CFAP43: variants seen among roughly 807,000 people sequenced by gnomAD.
CFAP43 encodes cilia and flagella associated protein 43, also known as cilia- and flagella-associated protein 43.
In CFAP43, 155 loss-of-function variants were observed where a neutral mutation model predicts 218.9. The ratio of observed to expected loss-of-function variants is 0.71; its 90% confidence interval spans 0.62 to 0.81. The LOEUF (loss-of-function observed/expected upper bound fraction) is 0.81, where lower values mean the gene tolerates loss of function less well. Among genes scored for constraint, CFAP43 ranks in the 30% least tolerant of loss-of-function variants. CFAP43 has a pLI of 0.00. For missense variants in CFAP43, 1,778 were observed against 1,954.3 expected (o/e 0.91, Z 1.70); for synonymous variants, 645 against 681.3 (o/e 0.95, Z 0.83).
rs369407854 is a variant in CFAP43, at chr10:104,186,025, G to C, written c.1959C>G (p.Leu653=). The part of the protein sequence containing the change: ...LLYLSSHGLW[L]ITIAKCGILC... ...GAATTCCACATTTAGCTATTGTTAT[G>C]AGCCACAATCCATGTGAAGACAGAT... Residue 653 remains leucine (L), a synonymous_variant, in exon 15 of 38, where the codon CTC becomes CTG. Transcript: ENST00000357060. 15 of 1,610,788 alleles carry C rather than the reference G, an allele frequency of 9.3e-6. No homozygotes were observed. The highest frequency in any genetic ancestry group is 4.0e-5 in the African/African-American group (3 of 74,622).
At chr10:104,228,494 T>C (rs542019346) in intron 2 of CFAP43, among the ~76,000 whole-genome samples, 2 of 152,318 alleles carry the variant, frequency 1.3e-5, no homozygotes, top group East Asian at 3.9e-4. Context: ...CTCTTTCAAA[T>C]TATTCTCATT....
In CFAP43 at chr10:104,130,295, CAGTT is replaced by C; in HGVS notation, c.4838_4841del (p.Lys1613ArgfsTer14). On this transcript the variant is annotated frameshift_variant, in exon 38 of 38. Coordinates refer to ENST00000357060, the MANE Select transcript of CFAP43 (RefSeq NM_025145.7). LOFTEE classifies it high-confidence loss of function. The stretch of plus-strand genomic sequence containing the variant: ...GTTCTTTGACAATCTTTTCACAAGT[CAGTT>C]TAGACCCTATCCCAAAAATGAATAA... 1 of 1,606,042 alleles carries C rather than the reference CAGTT, an allele frequency of 6.2e-7. No homozygotes were observed. Among genetic ancestry groups the C allele is most frequent in the Non-Finnish European group, 8.5e-7 (1 of 1,178,428 alleles).
rs570311198 is a variant in CFAP43, at chr10:104,138,589, C to T, written c.4431+2253G>A. Among the ~76,000 whole-genome samples the T allele has an allele frequency of 4.6e-5, 7 of 151,872 alleles. No individual in the cohort carries two copies. The East Asian group carries it at 1.2e-3, about 25-fold the overall frequency. On this transcript the variant is annotated intron_variant, in intron 34 of 37. Coordinates refer to ENST00000357060, the MANE Select transcript of CFAP43 (RefSeq NM_025145.7). ...ACTCGGGAGGCTGAGGCAGTAGAAT[C>T]GCTTGAACCCAGAAGGTGGAGGTTG...
At chr10:104,200,200 G>A (rs2090492902) in intron 8 of CFAP43, among the ~76,000 whole-genome samples, 1 of 152,200 alleles carries the variant, frequency 6.6e-6, no homozygotes, top group Non-Finnish European at 1.5e-5. Flanking sequence ...ATATAGCTTA[G>A]AAGGTATATA....
intron 35 of CFAP43, 178 bp downstream of exon 35, chr10:104,133,442 G>A (rs972280088): frequency 8.5e-6 from 5 of 591,212 alleles, no homozygotes; most frequent in Admixed American, 3.6e-5. Flanking sequence ...GGGTCATGAA[G>A]AACTGGAGGC....
At chr10:104,187,806 C>A (rs190179925) in intron 13 of CFAP43, among the ~76,000 whole-genome samples, 5 of 152,150 alleles carry the variant, frequency 3.3e-5, no homozygotes, top group Non-Finnish European at 7.4e-5. Flanking sequence ...TGGAGGTTGT[C>A]GGCTCTCTTC....
intron 11 of CFAP43, chr10:104,192,758 G>C (rs762714591): frequency 3.5e-5 from 6 of 171,212 alleles, no homozygotes; most frequent in Non-Finnish European, 2.4e-5. Flanking sequence ...TAGAATAAGA[G>C]GATCTGAGAA....
At chr10:104,194,382 A>T (rs1206931466) in intron 10 of CFAP43, among the ~76,000 whole-genome samples, 1 of 152,164 alleles carries the variant, frequency 6.6e-6, no homozygotes, top group African/African-American at 2.4e-5. Context: ...GGAATTTAAA[A>T]GAAATTCTTA....
intron 28 of CFAP43, among the ~76,000 whole-genome samples, chr10:104,152,040 A>C (rs1317369835): frequency 6.6e-6 from 1 of 152,176 alleles, no homozygotes; most frequent in Non-Finnish European, 1.5e-5. Flanking sequence ...CCTACTGCTG[A>C]AGATAATTAA....
At chr10:104,131,288 T>C in intron 37 of CFAP43, 43 bp downstream of exon 37, 1 of 1,583,614 alleles carries the variant, frequency 6.3e-7, no homozygotes, top group Non-Finnish European at 8.5e-7. Context: ...TGATTACTTT[T>C]AAAGAAACCT....
intron 35 of CFAP43, chr10:104,132,942 G>T: frequency 3.4e-6 from 1 of 296,226 alleles, no homozygotes; most frequent in Non-Finnish European, 5.0e-6. Flanking sequence ...ATTCAAAGGT[G>T]GTTTGTAATG....
At chr10:104,211,618 A>T (rs2090865597) in intron 5 of CFAP43, among the ~76,000 whole-genome samples, 1 of 151,894 alleles carries the variant, frequency 6.6e-6, no homozygotes, top group African/African-American at 2.4e-5. Context: ...CTCTTTGCTC[A>T]TCACATCCCC....
intron 3 of CFAP43, among the ~76,000 whole-genome samples, chr10:104,223,702 A>G (rs1273487595): frequency 6.6e-6 from 1 of 152,210 alleles, no homozygotes; most frequent in African/African-American, 2.4e-5. Flanking sequence ...CAGAGCTGTG[A>G]GATAATACAT....
intron 28 of CFAP43, among the ~76,000 whole-genome samples, chr10:104,148,523 A>G (rs1210579100): frequency 6.6e-6 from 1 of 152,162 alleles, no homozygotes; most frequent in East Asian, 1.9e-4. Context: ...GGTCATGGGT[A>G]TGGGTCCCTC....
chr10:104,229,273 T>C (rs1157738573), intron 2 of CFAP43, among the ~76,000 whole-genome samples: 1 of 152,192 alleles, frequency 6.6e-6, no homozygotes, highest in Non-Finnish European at 1.5e-5. Flanking sequence ...ATGAGCTTTC[T>C]GCCCATGGGG....
chr10:104,158,853 GAAC>G (rs2088718431), intron 27 of CFAP43, among the ~76,000 whole-genome samples: 1 of 151,934 alleles, frequency 6.6e-6, no homozygotes, highest in Non-Finnish European at 1.5e-5. Context: ...GAGAAAAAGA[GAAC>G]AAATGTGGCA....
At chr10:104,196,492 G>A (rs1266797580) in intron 10 of CFAP43, among the ~76,000 whole-genome samples, 1 of 152,172 alleles carries the variant, frequency 6.6e-6, no homozygotes, top group African/African-American at 2.4e-5. Context: ...ACAGCACAGA[G>A]GAAGTATTCT....
intron 18 of CFAP43, 106 bp from the exon 19 acceptor site, chr10:104,179,212 TAA>T: frequency 1.1e-6 from 1 of 908,468 alleles, no homozygotes; most frequent in South Asian, 1.7e-5. Context: ...CTAAAATTTG[TAA>T]AGACTAATAT....
At chr10:104,168,038 T>A (rs73333204) in intron 21 of CFAP43, among the ~76,000 whole-genome samples, 1 of 152,134 alleles carries the variant, frequency 6.6e-6, no homozygotes, top group African/African-American at 2.4e-5. Flanking sequence ...ATTTGGCAAC[T>A]TTTTTTTATT....
Sources: allele counts gnomAD v4.1 joint callset (sites outside exome capture counted in the v4.1 genomes callset), GRCh38; gene constraint gnomAD v4.1.1; transcripts MANE v1.5; gene names NCBI Gene and HGNC (gene_info 2026-07-23, HGNC 2026-07-21).